Variants in CTNNA3 observed in about 807,000 individuals in gnomAD.
CTNNA3 encodes the protein catenin alpha-3.
In CTNNA3, 76 loss-of-function variants were observed where a neutral mutation model predicts 95.7. The observed-to-expected ratio is 0.79, with a 90% CI of 0.66 to 0.96. CTNNA3 has a LOEUF of 0.96. CTNNA3 is among the 40% of genes least tolerant of loss of function. The pLI is 0.00. For missense variants in CTNNA3, 1,191 were observed against 1,089.8 expected (o/e 1.09, Z -1.31); for synonymous variants, 431 against 374.4 (o/e 1.15, Z -1.74).
intron 7 of CTNNA3, among the ~76,000 whole-genome samples, chr10:66,869,704 G>T (rs1215643338): frequency 6.6e-6 from 1 of 152,148 alleles, no homozygotes; most frequent in Non-Finnish European, 1.5e-5. Context: ...CATTTATATT[G>T]ATTCTGGAGG....
At chr10:66,086,119 G>C (rs1057115955) in intron 14 of CTNNA3, among the ~76,000 whole-genome samples, 1 of 152,110 alleles carries the variant, frequency 6.6e-6, no homozygotes, top group Non-Finnish European at 1.5e-5. Flanking sequence ...AAGGCCCATA[G>C]CAATAGACAA....
At chr10:66,252,134 A>G (rs2090579670) in intron 13 of CTNNA3, among the ~76,000 whole-genome samples, 1 of 152,178 alleles carries the variant, frequency 6.6e-6, no homozygotes, top group Non-Finnish European at 1.5e-5. Context: ...TAAAAAAGAC[A>G]ATGATATATA....
rs2093348264 is a variant in CTNNA3 at position 66,437,712 on chromosome 10, A to C, written c.1532-58360T>G. 3.3e-5 allele frequency among the ~76,000 whole-genome samples: 5 copies of C among 152,106 alleles called. No individual in the cohort carries two copies. In the South Asian group the frequency reaches 1.0e-3, roughly 32 times the overall value. On this transcript the variant is annotated intron_variant, in intron 11 of 17. Coordinates refer to ENST00000433211, the MANE Select transcript of CTNNA3 (RefSeq NM_013266.4). ...CGAAGCCTACTTCTGTCAATTCATCAAACTCATTCTCTGTCTAATTTTGTT... is the reference window on the plus strand; with the variant it reads ...CGAAGCCTACTTCTGTCAATTCATCCAACTCATTCTCTGTCTAATTTTGTT...
chr10:67,642,821 A>G (rs1589525196), intron 2 of CTNNA3, among the ~76,000 whole-genome samples: 1 of 152,150 alleles, frequency 6.6e-6, no homozygotes, highest in South Asian at 2.1e-4. Context: ...TCAAAAAACA[A>G]CAGATGCTGA....
At chr10:66,144,552 A>G (rs2083780957) in intron 13 of CTNNA3, among the ~76,000 whole-genome samples, 1 of 151,952 alleles carries the variant, frequency 6.6e-6, no homozygotes, top group South Asian at 2.1e-4. Context: ...CAATGACATA[A>G]TCTCCGCTCA....
At chr10:67,721,790 T>G (rs1043331952) in intron 1 of CTNNA3, among the ~76,000 whole-genome samples, 3 of 152,226 alleles carry the variant, frequency 2.0e-5, no homozygotes, top group Admixed American at 2.0e-4. Context: ...CTCATCTTCA[T>G]GGATTTATCT....
chr10:66,323,295 AT>A (rs979000930), intron 12 of CTNNA3, among the ~76,000 whole-genome samples: 2 of 151,904 alleles, frequency 1.3e-5, no homozygotes, highest in African/African-American at 4.8e-5. Context: ...TATTTAATAT[AT>A]TTTTTTAACA....
chr10:66,357,628 T>C (rs935633037), intron 12 of CTNNA3, among the ~76,000 whole-genome samples: 4 of 152,146 alleles, frequency 2.6e-5, no homozygotes, highest in Admixed American at 1.3e-4. Flanking sequence ...CTGGCTTCTT[T>C]CACTCAGTAT....
At chr10:66,811,364 T>A (rs6480215) in intron 7 of CTNNA3, among the ~76,000 whole-genome samples, 1 of 151,770 alleles carries the variant, frequency 6.6e-6, no homozygotes, top group African/African-American at 2.4e-5. Flanking sequence ...TAGAGGCCAG[T>A]GGAAGAGAGG....
chr10:67,001,836 T>C (rs1468815035), intron 7 of CTNNA3, among the ~76,000 whole-genome samples: 3 of 152,194 alleles, frequency 2.0e-5, no homozygotes, highest in Non-Finnish European at 4.4e-5. Flanking sequence ...ACTGTATCTC[T>C]TCCTTTTCTT....
At chr10:67,059,449 T>G (rs1172861674) in intron 7 of CTNNA3, among the ~76,000 whole-genome samples, 1 of 152,126 alleles carries the variant, frequency 6.6e-6, no homozygotes, top group African/African-American at 2.4e-5. Flanking sequence ...ACAGACAGAT[T>G]GTAAGAGACA....
intron 10 of CTNNA3, among the ~76,000 whole-genome samples, chr10:66,555,239 T>C (rs1034790539): frequency 3.2e-4 from 49 of 152,258 alleles, no homozygotes; most frequent in Non-Finnish European, 2.8e-4. Context: ...TGATCTTCCC[T>C]TTGGCAGTTC....
chr10:65,948,913 A>AG (rs2077566894), intron 17 of CTNNA3, among the ~76,000 whole-genome samples: 1 of 152,200 alleles, frequency 6.6e-6, no homozygotes, highest in African/African-American at 2.4e-5. Context: ...TTTCTAGTTA[A>AG]GTTTACTCAT....
intron 1 of CTNNA3, among the ~76,000 whole-genome samples, chr10:67,713,892 T>A (rs1841127242): frequency 1.3e-5 from 2 of 151,940 alleles, no homozygotes; most frequent in African/African-American, 4.8e-5. Flanking sequence ...CCATGGCACA[T>A]GTATACCTAT....
chr10:67,203,898 G>A (rs1428705077), intron 6 of CTNNA3, among the ~76,000 whole-genome samples: 1 of 152,082 alleles, frequency 6.6e-6, no homozygotes, highest in African/African-American at 2.4e-5. Context: ...AGCTTGGGCT[G>A]GAAATTCCCA....
At chr10:65,978,573 T>C (rs771848494) in intron 16 of CTNNA3, among the ~76,000 whole-genome samples, 1 of 152,062 alleles carries the variant, frequency 6.6e-6, no homozygotes. Flanking sequence ...AACTACAAAA[T>C]TCTAACATCC....
intron 11 of CTNNA3, among the ~76,000 whole-genome samples, chr10:66,501,844 G>A (rs1304527128): frequency 3.3e-5 from 5 of 152,042 alleles, no homozygotes; most frequent in African/African-American, 1.2e-4. Flanking sequence ...AGGGGCAAAG[G>A]CTTTCATCAA....
At chr10:66,276,534 T>C (rs1031921778) in intron 13 of CTNNA3, among the ~76,000 whole-genome samples, 4 of 152,156 alleles carry the variant, frequency 2.6e-5, no homozygotes, top group Admixed American at 2.6e-4. Context: ...TGCAGAATTA[T>C]AATACTACCT....
At chr10:67,154,503 C>T (rs947277790) in intron 7 of CTNNA3, among the ~76,000 whole-genome samples, 6 of 152,066 alleles carry the variant, frequency 3.9e-5, no homozygotes, top group Non-Finnish European at 8.8e-5. Context: ...ACTAGCACTA[C>T]AAAGATTAAA....
Sources: allele counts gnomAD v4.1 joint callset (sites outside exome capture counted in the v4.1 genomes callset), GRCh38; gene constraint gnomAD v4.1.1; transcripts MANE v1.5; gene names NCBI Gene and HGNC (gene_info 2026-07-23, HGNC 2026-07-21).